The following EDIL3 variants were observed in gnomAD, a reference collection of about 807,000 sequenced individuals.
EDIL3 encodes EGF-like repeat and discoidin I-like domain-containing protein 3.
EDIL3 carries 37 observed loss-of-function variants against 67.4 expected under a neutral mutation model. That is an observed-to-expected ratio of 0.55 (90% confidence interval 0.42 to 0.72). The LOEUF (loss-of-function observed/expected upper bound fraction) is 0.72. Ranked by LOEUF, EDIL3 falls within the 30% of genes least tolerant of loss-of-function variation. The pLI is 0.00. For synonymous variants in EDIL3, 195 were observed against 196.3 expected, an observed-to-expected ratio of 0.99 and a Z score of 0.05; for missense variants, 527 against 586.3, an observed-to-expected ratio of 0.90 and a Z score of 1.04.
At chr5:84,258,441 A>C (rs1488358827) in intron 1 of EDIL3, among the ~76,000 whole-genome samples, 2 of 152,126 alleles carry the variant, frequency 1.3e-5, no homozygotes, top group Non-Finnish European at 2.9e-5. Context: ...TCCAGAGCAA[A>C]GATTATTGTT....
intron 4 of EDIL3, among the ~76,000 whole-genome samples, chr5:84,167,005 G>A (rs1748716685): frequency 6.6e-6 from 1 of 152,092 alleles, no homozygotes. Context: ...GGTTATTTTT[G>A]TTCACTATAA....
chr5:84,122,225 C>T (rs1267323213), intron 5 of EDIL3, among the ~76,000 whole-genome samples: 5 of 151,994 alleles, frequency 3.3e-5, no homozygotes. Flanking sequence ...CTCTTTCCTG[C>T]TCCCCTTCCA....
chr5:84,095,739 A>T (rs1243893679), intron 6 of EDIL3, among the ~76,000 whole-genome samples: 2 of 152,164 alleles, frequency 1.3e-5, no homozygotes. Flanking sequence ...GAAAAATCCC[A>T]TTTTCTGAGG....
intron 4 of EDIL3, among the ~76,000 whole-genome samples, chr5:84,160,416 T>C (rs958429048): frequency 5.3e-5 from 8 of 152,172 alleles, no homozygotes; most frequent in African/African-American, 1.9e-4. Flanking sequence ...TGTTCAACTA[T>C]TTATAACTCC....
chr5:83,970,858 C>G (rs970581183), intron 9 of EDIL3, among the ~76,000 whole-genome samples: 2 of 151,262 alleles, frequency 1.3e-5, no homozygotes, highest in African/African-American at 2.4e-5. Flanking sequence ...TTGCTTTGGA[C>G]AGAACAAAGT....
At chr5:84,186,518 A>G (rs1310348442) in intron 3 of EDIL3, among the ~76,000 whole-genome samples, 2 of 152,056 alleles carry the variant, frequency 1.3e-5, no homozygotes, top group African/African-American at 2.4e-5. Context: ...GGTAATTTCA[A>G]TGGCTCTCTT....
intron 4 of EDIL3, among the ~76,000 whole-genome samples, chr5:84,177,494 A>G (rs1748941326): frequency 6.6e-6 from 1 of 152,162 alleles, no homozygotes; most frequent in East Asian, 1.9e-4. Flanking sequence ...TCTATATGAT[A>G]CTGTGACAGT....
intron 9 of EDIL3, among the ~76,000 whole-genome samples, chr5:83,998,571 A>G (rs1269446714): frequency 6.6e-6 from 1 of 152,122 alleles, no homozygotes; most frequent in Non-Finnish European, 1.5e-5. Flanking sequence ...AAGAGTGAAA[A>G]GCACTTTGTC....
intron 9 of EDIL3, among the ~76,000 whole-genome samples, chr5:84,052,923 T>C (rs1746369394): frequency 6.6e-6 from 1 of 152,044 alleles, no homozygotes; most frequent in Admixed American, 6.6e-5. Context: ...AAGAAGGATA[T>C]CCAGGAATTG....
chr5:84,317,100 C>G (rs1341633715), intron 1 of EDIL3, among the ~76,000 whole-genome samples: 1 of 152,132 alleles, frequency 6.6e-6, no homozygotes, highest in Non-Finnish European at 1.5e-5. Flanking sequence ...CTCTGGGACA[C>G]CTTTAAAGCA....
chr5:84,218,432 A>C (rs1397821234), intron 3 of EDIL3, among the ~76,000 whole-genome samples: 3 of 152,214 alleles, frequency 2.0e-5, no homozygotes, highest in Admixed American at 6.5e-5. Flanking sequence ...TTTAAAAAGA[A>C]AGGATCAGGG....
chr5:84,312,351 C>T (rs868152631), intron 1 of EDIL3, among the ~76,000 whole-genome samples: 29 of 142,634 alleles, frequency 2.0e-4, no homozygotes, highest in African/African-American at 7.7e-4. Flanking sequence ...CCCCACCTCC[C>T]TCCCGGACGG....
intron 1 of EDIL3, among the ~76,000 whole-genome samples, chr5:84,260,102 A>G (rs554881562): frequency 2.3e-4 from 35 of 152,350 alleles, no homozygotes; most frequent in African/African-American, 8.4e-4. Flanking sequence ...TACACATATC[A>G]GAGAATTACT....
chr5:83,946,856 T>A (rs11744210), intron 10 of EDIL3, among the ~76,000 whole-genome samples: 1 of 151,876 alleles, frequency 6.6e-6, no homozygotes, highest in African/African-American at 2.4e-5. Context: ...TTTAGAAAAT[T>A]ATCTAGTTTG....
chr5:84,179,247 G>C (rs1748973469), intron 4 of EDIL3, among the ~76,000 whole-genome samples: 1 of 152,084 alleles, frequency 6.6e-6, no homozygotes, highest in South Asian at 2.1e-4. Context: ...ATGTGTGAAG[G>C]CTGAGCAGTG....
chr5:84,186,582 G>T (rs1397568400), intron 3 of EDIL3, among the ~76,000 whole-genome samples: 1 of 151,852 alleles, frequency 6.6e-6, no homozygotes, highest in African/African-American at 2.4e-5. Context: ...TCATATAATG[G>T]TTCCTGGAAA....
At chr5:84,239,377 TAAC>T (rs953905641) in intron 2 of EDIL3, among the ~76,000 whole-genome samples, 7 of 152,180 alleles carry the variant, frequency 4.6e-5, no homozygotes, top group African/African-American at 1.7e-4. Flanking sequence ...GGCGGCTTTA[TAAC>T]AACCAGCAAT....
At chr5:84,297,259 C>T (rs1208102992) in intron 1 of EDIL3, among the ~76,000 whole-genome samples, 2 of 150,314 alleles carry the variant, frequency 1.3e-5, no homozygotes, top group Non-Finnish European at 3.0e-5. Context: ...GACATATATG[C>T]GACCAACAAA....
chr5:84,101,977 A>G (rs896382843), intron 6 of EDIL3, among the ~76,000 whole-genome samples: 3 of 152,134 alleles, frequency 2.0e-5, no homozygotes, highest in Non-Finnish European at 4.4e-5. Flanking sequence ...CACCATGATC[A>G]AGCAGGCTTT....
Sources: gnomAD v4.1 joint callset for allele counts (sites outside exome capture counted in the v4.1 genomes callset) on GRCh38, gnomAD v4.1.1 for gene constraint, MANE v1.5 for transcripts, NCBI Gene and HGNC (gene_info 2026-07-23, HGNC 2026-07-21) for gene names.